Variants in CDYL2 observed in about 807,000 individuals in gnomAD.
CDYL2 encodes chromodomain Y-like protein 2.
In CDYL2, 23 loss-of-function variants were observed where a neutral mutation model predicts 49.4. The observed-to-expected ratio is 0.47, with a 90% CI of 0.34 to 0.66. The LOEUF is 0.66. Among genes scored for constraint, CDYL2 ranks in the 30% least tolerant of loss-of-function variants. CDYL2 has a pLI of 0.01. For synonymous variants in CDYL2, 360 were observed against 268.8 expected, an observed-to-expected ratio of 1.34 and a Z score of -3.32; for missense variants, 678 against 656.4, an observed-to-expected ratio of 1.03 and a Z score of -0.36.
At chr16:80,690,156 A>G (rs1910357916) in intron 1 of CDYL2, among the ~76,000 whole-genome samples, 1 of 151,984 alleles carries the variant, frequency 6.6e-6, no homozygotes, top group African/African-American at 2.4e-5. Flanking sequence ...AAATAGAAAT[A>G]AAAAAGGACT....
intron 1 of CDYL2, among the ~76,000 whole-genome samples, chr16:80,768,570 C>T (rs532005812): frequency 7.9e-5 from 12 of 152,172 alleles, no homozygotes; most frequent in African/African-American, 2.4e-4. Context: ...GCACAAGGCA[C>T]GATCAAGGTC....
chr16:80,706,906 C>T (rs1345714002), intron 1 of CDYL2, among the ~76,000 whole-genome samples: 1 of 152,158 alleles, frequency 6.6e-6, no homozygotes, highest in Non-Finnish European at 1.5e-5. Context: ...CCAACTGACT[C>T]AGGTCAATCA....
chr16:80,736,478 C>G (rs1017326254), intron 1 of CDYL2: 1 of 152,320 alleles, frequency 6.6e-6, no homozygotes, highest in South Asian at 2.1e-4. Context: ...AACCCCCAGT[C>G]TCTTGAATAT....
At chr16:80,652,263 A>G (rs1163701258) in intron 2 of CDYL2, among the ~76,000 whole-genome samples, 1 of 152,212 alleles carries the variant, frequency 6.6e-6, no homozygotes, top group Non-Finnish European at 1.5e-5. Flanking sequence ...GTGCTCAAAC[A>G]AAGCAAAGCA....
intron 2 of CDYL2, among the ~76,000 whole-genome samples, chr16:80,640,795 CG>C (rs1310041421): frequency 6.6e-6 from 1 of 151,980 alleles, no homozygotes; most frequent in Non-Finnish European, 1.5e-5. Flanking sequence ...AGCTAAAAAG[CG>C]TAACTGGCAT....
At chr16:80,623,053 G>C (rs1285706375) in intron 3 of CDYL2, among the ~76,000 whole-genome samples, 1 of 152,204 alleles carries the variant, frequency 6.6e-6, no homozygotes, top group Non-Finnish European at 1.5e-5. Flanking sequence ...AGACTGGCCA[G>C]CTCAAAGCTT....
At chr16:80,678,830 C>T (rs1356657203) in intron 2 of CDYL2, among the ~76,000 whole-genome samples, 3 of 151,296 alleles carry the variant, frequency 2.0e-5, no homozygotes, top group Non-Finnish European at 2.9e-5. Context: ...TATTGCGGCA[C>T]TATTCACAAT....
rs866826716 is a variant in CDYL2 at position 80,707,825 on chromosome 16, G to C, written c.25-22696C>G. ...CTCAGGTCAAGGGTTGGTGCTTCAA[G>C]TGGCCTGTAATACAAGGGCACAAGT... On this transcript the variant is annotated intron_variant, in intron 1 of 6. Coordinates refer to ENST00000570137, the MANE Select transcript of CDYL2 (RefSeq NM_152342.4). 5.3e-5 allele frequency among the ~76,000 whole-genome samples: 8 copies of C among 152,222 alleles called. 1 individual carries two copies. The highest frequency in any genetic ancestry group is 1.4e-4 in the African/African-American group (6 of 41,472).
chr16:80,773,539 T>C (rs568457717), intron 1 of CDYL2, among the ~76,000 whole-genome samples: 3 of 152,142 alleles, frequency 2.0e-5, no homozygotes, highest in Non-Finnish European at 4.4e-5. Context: ...ATGAAACATT[T>C]ACAAAAAGTA....
At chr16:80,750,975 G>A (rs529306321) in intron 1 of CDYL2, among the ~76,000 whole-genome samples, 234 of 152,002 alleles carry the variant, frequency 1.5e-3, no homozygotes, top group Non-Finnish European at 2.8e-3. Context: ...AGCCAAGATC[G>A]CACCACTGCA....
At chr16:80,627,497 T>C (rs1240555563) in intron 3 of CDYL2, 1 of 152,226 alleles carries the variant, frequency 6.6e-6, no homozygotes, top group Non-Finnish European at 1.5e-5. Flanking sequence ...GTACAAACTA[T>C]ACTGTTTTTC....
At chr16:80,701,090 T>C (rs1040730769) in intron 1 of CDYL2, among the ~76,000 whole-genome samples, 2 of 152,132 alleles carry the variant, frequency 1.3e-5, no homozygotes, top group Non-Finnish European at 2.9e-5. Context: ...CACAAACCCT[T>C]GAACCAGCCA....
chr16:80,688,035 C>G (rs749858313), intron 1 of CDYL2, among the ~76,000 whole-genome samples: 1 of 152,144 alleles, frequency 6.6e-6, no homozygotes, highest in Non-Finnish European at 1.5e-5. Context: ...TGGAAGGTGG[C>G]TATGCATAGT....
intron 1 of CDYL2, among the ~76,000 whole-genome samples, chr16:80,784,748 G>T (rs1207905469): frequency 6.6e-6 from 1 of 152,164 alleles, no homozygotes; most frequent in East Asian, 1.9e-4. Context: ...CAAGTACATA[G>T]TCCTTAAATA....
In CDYL2 at chr16:80,761,012, G is replaced by C. The variant is rs192068953; in HGVS notation, c.24+43138C>G. 4.5e-4 allele frequency among the ~76,000 whole-genome samples: 68 copies of C among 152,294 alleles called. No individual in the cohort carries two copies. In the Middle Eastern group the frequency reaches 0.01, roughly 23 times the overall value. The stretch of plus-strand genomic sequence containing the variant: ...GTGATGGCAACCAAACGGACAATGT[G>C]CAATAGACTTCAGAATGTAGAGCGT... On this transcript the variant is annotated intron_variant, in intron 1 of 6. Transcript: ENST00000570137.
At chr16:80,630,486 G>A (rs1242912997) in intron 3 of CDYL2, among the ~76,000 whole-genome samples, 1 of 152,152 alleles carries the variant, frequency 6.6e-6, no homozygotes, top group African/African-American at 2.4e-5. Context: ...AGGAAAAACT[G>A]GTCTCTGCAG....
Position 80,600,283 on chromosome 16 carries a change from A to T in CDYL2, c.*4105T>A, listed in dbSNP as rs1476992443. On this transcript the variant is annotated 3_prime_UTR_variant, in exon 7 of 7. Coordinates refer to ENST00000570137, the MANE Select transcript of CDYL2 (RefSeq NM_152342.4). ...ACCAAACCAGTATGCTATTTTTCAAAAGAACAAGTGATATTAATGAAAAAT... is the reference window on the plus strand; with the variant it reads ...ACCAAACCAGTATGCTATTTTTCAATAGAACAAGTGATATTAATGAAAAAT... 5 of 152,220 alleles carry T rather than the reference A, an allele frequency of 3.3e-5. No individual in the cohort carries two copies. The highest frequency in any genetic ancestry group is 7.3e-5 in the Non-Finnish European group (5 of 68,028). 9.4% of individuals were successfully genotyped at this position (152,220 alleles called of 1,614,324 possible).
chr16:80,648,313 G>A (rs1211083617), intron 2 of CDYL2, among the ~76,000 whole-genome samples: 1 of 151,992 alleles, frequency 6.6e-6, no homozygotes, highest in Non-Finnish European at 1.5e-5. Context: ...AGATGAAAAT[G>A]GAGACCTTTT....
intron 1 of CDYL2, among the ~76,000 whole-genome samples, chr16:80,789,125 A>C (rs559473593): frequency 3.2e-4 from 49 of 152,290 alleles, no homozygotes; most frequent in African/African-American, 1.1e-3. Context: ...AAAAAACAAC[A>C]GAGTTGGCTT....
Sources: allele counts gnomAD v4.1 joint callset (sites outside exome capture counted in the v4.1 genomes callset), GRCh38; gene constraint gnomAD v4.1.1; transcripts MANE v1.5; gene names NCBI Gene and HGNC (gene_info 2026-07-23, HGNC 2026-07-21).